Variants in SNX10 observed in about 807,000 individuals in gnomAD.
SNX10 encodes sorting nexin 10.
SNX10 carries 25 observed loss-of-function variants against 28.5 expected under a neutral mutation model. The ratio of observed to expected loss-of-function variants is 0.88; its 90% CI spans 0.64 to 1.22. The LOEUF is 1.22. Ranked by LOEUF, SNX10 falls within the 50% of genes most tolerant of loss-of-function variation. The pLI is 0.00. For missense variants in SNX10, 223 were observed against 242.6 expected, an observed-to-expected ratio of 0.92 and a Z score of 0.54; for synonymous variants, 62 against 81.4, an observed-to-expected ratio of 0.76 and a Z score of 1.28.
chr7:26,314,118 C>T (rs1584105162), intron 1 of SNX10, among the ~76,000 whole-genome samples: 1 of 152,080 alleles, frequency 6.6e-6, no homozygotes, highest in African/African-American at 2.4e-5. Context: ...GGCCCAAGAA[C>T]CTGAATTTCT....
chr7:26,346,672 C>A (rs889615071), intron 2 of SNX10, among the ~76,000 whole-genome samples: 5 of 152,184 alleles, frequency 3.3e-5, no homozygotes, highest in Non-Finnish European at 5.9e-5. Flanking sequence ...AGCTGTGGAG[C>A]ACATTCCCAC....
intron 1 of SNX10, among the ~76,000 whole-genome samples, chr7:26,297,998 A>AG (rs762821475): frequency 1.3e-5 from 2 of 152,248 alleles, no homozygotes; most frequent in Non-Finnish European, 2.9e-5. Context: ...TGGGAGGCCG[A>AG]GGCAGGTGGA....
chr7:26,356,290 C>T (rs1396356422), intron 2 of SNX10, among the ~76,000 whole-genome samples: 1 of 152,170 alleles, frequency 6.6e-6, no homozygotes, highest in Non-Finnish European at 1.5e-5. Flanking sequence ...TCTCATACTA[C>T]ATATAGTCAT....
At position 26,326,930 on chromosome 7, in the gene SNX10, C is replaced by T. The variant is rs551628251; in HGVS notation, c.-23-19490C>T. Among the ~76,000 whole-genome samples the T allele has an allele frequency of 2.0e-5, 3 of 149,838 alleles. No individual in the cohort carries two copies. In the East Asian group the frequency reaches 6.0e-4, roughly 30 times the overall value. On this transcript the variant is annotated intron_variant, in intron 1 of 6. Transcript: ENST00000338523. ...GAACAGCGATTATCCTTTAGAAGCA[C>T]TGTCTCTGTGTTAATTATCTTTTTT...
At chr7:26,331,700 A>G (rs535709898) in intron 1 of SNX10, among the ~76,000 whole-genome samples, 1 of 152,354 alleles carries the variant, frequency 6.6e-6, no homozygotes, top group East Asian at 1.9e-4. Context: ...TATTTTCATG[A>G]CCTCAAAAAG....
At chr7:26,326,549 A>G (rs1037860957) in intron 1 of SNX10, among the ~76,000 whole-genome samples, 2 of 152,174 alleles carry the variant, frequency 1.3e-5, no homozygotes, top group African/African-American at 4.8e-5. Flanking sequence ...GGTTTTAGTG[A>G]TGGCCAACTG....
intron 1 of SNX10, among the ~76,000 whole-genome samples, chr7:26,307,813 G>T (rs1562786367): frequency 6.6e-6 from 1 of 151,916 alleles, no homozygotes; most frequent in Admixed American, 6.6e-5. Flanking sequence ...GGGTACATTG[G>T]TAACAGTTGA....
intron 1 of SNX10, 117 bp from the exon 2 acceptor site, chr7:26,346,303 C>T (rs1788383903): frequency 4.1e-6 from 3 of 733,436 alleles, no homozygotes; most frequent in Non-Finnish European, 5.0e-6. Flanking sequence ...GCTCACATGT[C>T]AGGGACTGTG....
intron 2 of SNX10, among the ~76,000 whole-genome samples, chr7:26,359,527 CAGTT>C (rs764677966): frequency 5.9e-5 from 9 of 152,178 alleles, no homozygotes; most frequent in Non-Finnish European, 1.3e-4. Context: ...AAATCAAACT[CAGTT>C]AGCAAGTTTA....
chr7:26,348,555 C>T (rs2128013494), intron 2 of SNX10, among the ~76,000 whole-genome samples: 1 of 152,340 alleles, frequency 6.6e-6, no homozygotes, highest in Middle Eastern at 3.4e-3. Flanking sequence ...TGGTCGTCCT[C>T]CCAAAGGAGC....
intron 1 of SNX10, among the ~76,000 whole-genome samples, chr7:26,323,963 G>A (rs370530739): frequency 5.9e-5 from 9 of 152,172 alleles, no homozygotes; most frequent in Admixed American, 1.3e-4. Context: ...GAGGACTGCC[G>A]TGTTCATGAA....
Position 26,328,779 on chromosome 7 carries a change from G to A in SNX10, c.-23-17641G>A, listed in dbSNP as rs1787609524. 2.6e-5 allele frequency among the ~76,000 whole-genome samples: 4 copies of A among 152,104 alleles called. 1 individual carries two copies. In the South Asian group the frequency reaches 8.3e-4, roughly 32 times the overall value. ...TTTCCCATCATGGGCCTCGCTGCAG[G>A]CCCCAGGCTGCATGGAATGTTTGTC... On this transcript the variant is annotated intron_variant, in intron 1 of 6. Transcript: ENST00000338523.
chr7:26,300,310 C>G (rs75022443), intron 1 of SNX10, among the ~76,000 whole-genome samples: 9,362 of 151,662 alleles, frequency 0.062, 694 homozygotes, highest in East Asian at 0.28. Flanking sequence ...CCAGGCTGGT[C>G]TCAGACTCCT....
chr7:26,315,148 A>G (rs1411570366), intron 1 of SNX10, among the ~76,000 whole-genome samples: 11 of 152,260 alleles, frequency 7.2e-5, no homozygotes, highest in Non-Finnish European at 1.3e-4. Flanking sequence ...TGGATTGGTC[A>G]GGAGTAAATA....
At position 26,364,496 on chromosome 7, in the gene SNX10, TCCTCAGG is replaced by T; in HGVS notation, c.112-38_112-32del. ...TATAGATACAAGAAATGCATTTTTT[TCCTCAGG>T]TAAGACTCATTTTTCTACTTTCTCT... On this transcript the variant is annotated intron_variant, in intron 3 of 6. Coordinates refer to ENST00000338523, the MANE Select transcript of SNX10 (RefSeq NM_013322.3). This position sits in a 1 kb window ranked among gnomAD's most constrained non-coding sequence, Gnocchi z 4.9. The T allele has an allele frequency of 6.4e-7, 1 of 1,564,322 alleles. No individual in the cohort carries two copies. The highest frequency in any genetic ancestry group is 8.7e-7 in the Non-Finnish European group (1 of 1,154,790).
At chr7:26,335,807 G>T (rs1277587355) in intron 1 of SNX10, among the ~76,000 whole-genome samples, 2 of 140,534 alleles carry the variant, frequency 1.4e-5, no homozygotes, top group Non-Finnish European at 3.0e-5. Flanking sequence ...GCTGTGGCGC[G>T]ATCTCCGCTC....
At chr7:26,369,999 T>A (rs1484697124) in intron 5 of SNX10, among the ~76,000 whole-genome samples, 1 of 152,250 alleles carries the variant, frequency 6.6e-6, no homozygotes, top group African/African-American at 2.4e-5. Context: ...TAGTGCTCAT[T>A]ACTGTTGTGG....
At chr7:26,326,337 G>A (rs1383758818) in intron 1 of SNX10, among the ~76,000 whole-genome samples, 2 of 152,076 alleles carry the variant, frequency 1.3e-5, no homozygotes, top group African/African-American at 4.8e-5. Flanking sequence ...TGTGGTCCTG[G>A]ACTAGGTGCA....
At position 26,342,669 on chromosome 7, in the gene SNX10, G is replaced by A. The variant is rs1397055296; in HGVS notation, c.-23-3751G>A. ...TTCAGACAATATGGAAGTGTATAGAGCTTAGAAAATGACATGATCACCATT... is the reference window on the plus strand; with the variant it reads ...TTCAGACAATATGGAAGTGTATAGAACTTAGAAAATGACATGATCACCATT... On this transcript the variant is annotated intron_variant, in intron 1 of 6. Transcript: ENST00000338523. Among the ~76,000 whole-genome samples, 3 of 152,102 alleles carry A rather than the reference G, an allele frequency of 2.0e-5. No homozygotes were observed. The South Asian group carries it at 6.2e-4, about 32-fold the overall frequency.
Sources: gnomAD v4.1 joint callset for allele counts (sites outside exome capture counted in the v4.1 genomes callset) on GRCh38, gnomAD v4.1.1 for gene constraint, Gnocchi (gnomAD v3.1) non-coding constraint, MANE v1.5 for transcripts, NCBI Gene and HGNC (gene_info 2026-07-23, HGNC 2026-07-21) for gene names.